Variants in CAMK1D observed in about 807,000 individuals in gnomAD.
CAMK1D encodes the protein calcium/calmodulin-dependent protein kinase type 1D.
CAMK1D carries 9 observed loss-of-function variants against 47.7 expected under a neutral mutation model. The ratio of observed to expected loss-of-function variants is 0.19; its 90% CI spans 0.11 to 0.33. The LOEUF (loss-of-function observed/expected upper bound fraction) is 0.33, where lower values mean the gene tolerates loss of function less well. Ranked by LOEUF, CAMK1D falls within the 10% of genes least tolerant of loss-of-function variation. The pLI is 1.00. For missense variants in CAMK1D, 291 were observed against 488.7 expected (o/e 0.60, Z 3.81); for synonymous variants, 184 against 184.9 (o/e 0.99, Z 0.04).
At chr10:12,731,157 A>T (rs948406120) in intron 3 of CAMK1D, among the ~76,000 whole-genome samples, 3 of 152,210 alleles carry the variant, frequency 2.0e-5, no homozygotes, top group African/African-American at 7.2e-5. Flanking sequence ...GCTATCAAAG[A>T]AAGTGGAGAG....
At chr10:12,614,582 G>A (rs955934825) in intron 2 of CAMK1D, among the ~76,000 whole-genome samples, 2 of 152,164 alleles carry the variant, frequency 1.3e-5, no homozygotes, top group Non-Finnish European at 2.9e-5. Context: ...AATAATTTTC[G>A]AGGGAAATTT....
intron 1 of CAMK1D, among the ~76,000 whole-genome samples, chr10:12,485,690 A>G (rs1564367576): frequency 1.3e-5 from 2 of 152,332 alleles, no homozygotes; most frequent in East Asian, 3.9e-4. Context: ...CAAACAGGAA[A>G]TGTTAACGTT....
chr10:12,486,358 C>G (rs1353675622), intron 1 of CAMK1D, among the ~76,000 whole-genome samples: 1 of 152,256 alleles, frequency 6.6e-6, no homozygotes, highest in Admixed American at 6.5e-5. Flanking sequence ...TGGGGTTTCA[C>G]TGTGTTAGCC....
rs536863002 is a variant in CAMK1D at position 12,462,290 on chromosome 10, C to G, written c.93-90935C>G. On this transcript the variant is annotated intron_variant, in intron 1 of 10. Coordinates refer to ENST00000619168, the MANE Select transcript of CAMK1D (RefSeq NM_153498.4). ...AAGCAATTCTCCTGCCTTAGCCTCC[C>G]GAGTAACTGGGACTACGGGCACGCG... 1.7e-3 allele frequency among the ~76,000 whole-genome samples: 252 copies of G among 150,672 alleles called. 2 individuals carry two copies. Among genetic ancestry groups the G allele is most frequent in the African/African-American group, 5.8e-3 (240 of 41,058 alleles).
chr10:12,386,407 A>T (rs567866767), intron 1 of CAMK1D, among the ~76,000 whole-genome samples: 8 of 151,770 alleles, frequency 5.3e-5, no homozygotes. Context: ...ACTCCACTGC[A>T]CTCCAGCCTG....
At chr10:12,745,009 G>A (rs1835598437) in intron 3 of CAMK1D, among the ~76,000 whole-genome samples, 1 of 152,240 alleles carries the variant, frequency 6.6e-6, no homozygotes, top group South Asian at 2.1e-4. Flanking sequence ...GAGAGCCACT[G>A]TCATTCATAG....
At chr10:12,477,627 G>A (rs940269616) in intron 1 of CAMK1D, among the ~76,000 whole-genome samples, 4 of 152,160 alleles carry the variant, frequency 2.6e-5, no homozygotes, top group Non-Finnish European at 5.9e-5. Context: ...ACGATGTGTG[G>A]TAGTCACATG....
rs79522723 is a variant in CAMK1D at position 12,724,700 on chromosome 10, T to C, written c.300-36248T>C. On this transcript the variant is annotated intron_variant, in intron 3 of 10. Transcript: ENST00000619168. ...CCGGGCAACCGCTGTCTGAGCTTCA[T>C]AGGAAGGAGATGCTTCTGTGTGAAT... 4.9e-3 allele frequency among the ~76,000 whole-genome samples: 739 copies of C among 152,298 alleles called. 6 individuals carry two copies. The highest frequency in any genetic ancestry group is 0.016 in the African/African-American group (666 of 41,566).
At chr10:12,463,438 A>T (rs1251319213) in intron 1 of CAMK1D, among the ~76,000 whole-genome samples, 1 of 152,168 alleles carries the variant, frequency 6.6e-6, no homozygotes, top group East Asian at 1.9e-4. Context: ...GCACTTGGCC[A>T]GCTCTAAGAG....
At chr10:12,666,485 C>T (rs1250246078) in intron 2 of CAMK1D, among the ~76,000 whole-genome samples, 1 of 152,136 alleles carries the variant, frequency 6.6e-6, no homozygotes, top group African/African-American at 2.4e-5. Context: ...TCACATGAAG[C>T]AACAATTGTT....
intron 1 of CAMK1D, among the ~76,000 whole-genome samples, chr10:12,372,101 C>T (rs541863718): frequency 6.6e-6 from 1 of 152,186 alleles, no homozygotes; most frequent in Non-Finnish European, 1.5e-5. Context: ...GGTTGGCAGT[C>T]TAGGAGCAGT....
chr10:12,381,308 A>G (rs1838336126), intron 1 of CAMK1D, among the ~76,000 whole-genome samples: 1 of 152,058 alleles, frequency 6.6e-6, no homozygotes, highest in African/African-American at 2.4e-5. Flanking sequence ...GGTTCTTAAA[A>G]AATGTCGGAA....
intron 1 of CAMK1D, among the ~76,000 whole-genome samples, chr10:12,490,152 C>T (rs1041073082): frequency 2.4e-4 from 36 of 152,316 alleles, no homozygotes; most frequent in East Asian, 3.9e-4. Context: ...GAGAGCAACT[C>T]GCCCCCTCTA....
At chr10:12,627,483 A>G (rs1164245959) in intron 2 of CAMK1D, among the ~76,000 whole-genome samples, 3 of 152,176 alleles carry the variant, frequency 2.0e-5, no homozygotes, top group African/African-American at 7.2e-5. Flanking sequence ...TCATTACCCC[A>G]GTCAAGGTAT....
chr10:12,634,119 G>A lies in CAMK1D; in HGVS notation c.225-32617G>A, dbSNP rs549436034. Among the ~76,000 whole-genome samples, 8 of 152,298 alleles carry A rather than the reference G, an allele frequency of 5.3e-5. No homozygotes were observed. The South Asian group carries it at 1.7e-3, about 32-fold the overall frequency. ...AGGGTGCACTGGCATCAGCTCACAG[G>A]AGTTTTTTCTGTCTCTTGAAGAGTG... is the stretch of plus-strand genomic sequence containing the variant. On this transcript the variant is annotated intron_variant, in intron 2 of 10. Coordinates refer to ENST00000619168, the MANE Select transcript of CAMK1D (RefSeq NM_153498.4).
intron 5 of CAMK1D, among the ~76,000 whole-genome samples, chr10:12,784,302 A>G (rs1364505125): frequency 1.3e-5 from 2 of 150,092 alleles, no homozygotes; most frequent in Non-Finnish European, 2.9e-5. Flanking sequence ...GGTTCAAGCG[A>G]TTCTCTTGCC....
At chr10:12,453,346 C>T (rs1041769372) in intron 1 of CAMK1D, among the ~76,000 whole-genome samples, 3 of 152,056 alleles carry the variant, frequency 2.0e-5, no homozygotes, top group Non-Finnish European at 2.9e-5. Flanking sequence ...CCTGCCACCA[C>T]GCCCGGCTAA....
intron 1 of CAMK1D, among the ~76,000 whole-genome samples, chr10:12,444,147 C>T (rs1039027058): frequency 6.6e-6 from 1 of 152,186 alleles, no homozygotes; most frequent in South Asian, 2.1e-4. Flanking sequence ...GGCTTCTTTA[C>T]TGCAACCTGG....
intron 1 of CAMK1D, among the ~76,000 whole-genome samples, chr10:12,431,862 C>A (rs1246182829): frequency 1.3e-5 from 2 of 152,248 alleles, no homozygotes; most frequent in Non-Finnish European, 2.9e-5. Context: ...ATGTTCTTGG[C>A]AACCTCTGAT....
Sources: allele counts gnomAD v4.1 joint callset (sites outside exome capture counted in the v4.1 genomes callset), GRCh38; gene constraint gnomAD v4.1.1; transcripts MANE v1.5; gene names NCBI Gene and HGNC (gene_info 2026-07-23, HGNC 2026-07-21).